Variants in RSPH6A observed in about 807,000 individuals in gnomAD.
RSPH6A encodes the protein radial spoke head 6 homolog A.
RSPH6A carries 49 observed loss-of-function variants against 66.1 expected under a neutral mutation model. The ratio of observed to expected loss-of-function variants is 0.74; its 90% CI spans 0.59 to 0.94. The LOEUF (loss-of-function observed/expected upper bound fraction) is 0.94. Among genes scored for constraint, RSPH6A ranks in the 40% least tolerant of loss-of-function variants. RSPH6A has a pLI of 0.00. For missense variants in RSPH6A, 977 were observed against 948.3 expected (o/e 1.03, Z -0.40); for synonymous variants, 419 against 402.4 (o/e 1.04, Z -0.49).
chr19:45,812,369 G>A (rs1342213934), intron 1 of RSPH6A, among the ~76,000 whole-genome samples: 5 of 152,086 alleles, frequency 3.3e-5, no homozygotes, highest in Non-Finnish European at 5.9e-5. Flanking sequence ...GATTACAGGC[G>A]TGAGCCACCA....
At chr19:45,801,909 T>G (rs1372441808) in intron 4 of RSPH6A, among the ~76,000 whole-genome samples, 1 of 152,104 alleles carries the variant, frequency 6.6e-6, no homozygotes, top group Non-Finnish European at 1.5e-5. Flanking sequence ...AAAGGCCATA[T>G]CCTAAGGTTT....
At chr19:45,800,944 T>C (rs1970466666) in intron 4 of RSPH6A, among the ~76,000 whole-genome samples, 1 of 151,900 alleles carries the variant, frequency 6.6e-6, no homozygotes, top group African/African-American at 2.4e-5. Context: ...ATTACAGGCA[T>C]GCACCACCAC....
Position 45,795,907 on chromosome 19 carries a change from C to T in RSPH6A, c.2116G>A (p.Gly706Ser), listed in dbSNP as rs62639328. Residue 706 changes from glycine (G) to serine (S), a missense_variant, in exon 6 of 6, where the codon GGC becomes AGC. Coordinates refer to ENST00000221538, the MANE Select transcript of RSPH6A (RefSeq NM_030785.4). Reference sequence around the variant, plus strand: ...TCCTCGCCCTCCTCCTCCTCCTCGCCCTCCTCCTCCTCCTCTGTGGCTCCC... The same window carrying T: ...TCCTCGCCCTCCTCCTCCTCCTCGCTCTCCTCCTCCTCCTCTGTGGCTCCC... ...ALGATEEEEE[G>S]EEEEEGEETD... is the part of the protein sequence containing the mutation. 206 of 1,474,754 alleles carry T rather than the reference C, an allele frequency of 1.4e-4. 3 individuals carry two copies. In the African/African-American group the frequency reaches 2.6e-3, roughly 18 times the overall value. 91.4% of individuals were successfully genotyped at this position (1,474,754 alleles called of 1,614,324 possible).
Position 45,804,439 on chromosome 19 carries a change from G to A in RSPH6A, c.1466C>T (p.Ser489Leu), listed in dbSNP as rs1250032237. 1.7e-5 allele frequency: 27 copies of A among 1,613,894 alleles called. No individual in the cohort carries two copies. The highest frequency in any genetic ancestry group is 2.2e-5 in the East Asian group (1 of 44,858). Reference protein sequence around the residue: ...NYLRAQIARISAATQVSPLGF... With the variant: ...NYLRAQIARILAATQVSPLGF... ...CAGCGGGCTGACCTGCGTGGCGGCCGAGATGCGGGCTATCTGGGCCCGCAG... is the reference window on the plus strand; with the variant it reads ...CAGCGGGCTGACCTGCGTGGCGGCCAAGATGCGGGCTATCTGGGCCCGCAG... The change falls in exon 3 of 6, where the codon TCG becomes TTG. Residue 489 changes from serine to leucine, a missense_variant. Transcript: ENST00000221538. This position sits in a 1 kb window ranked among gnomAD's most constrained non-coding sequence, Gnocchi z 5.8.
intron 1 of RSPH6A, among the ~76,000 whole-genome samples, chr19:45,812,960 T>C (rs1488157153): frequency 6.6e-6 from 1 of 152,002 alleles, no homozygotes; most frequent in Non-Finnish European, 1.5e-5. Flanking sequence ...CCTCCCAAAG[T>C]GCTGGGATCA....
rs1227780154 is a variant in RSPH6A, at chr19:45,814,875, T to G, written c.302A>C (p.Gln101Pro). 6.2e-7 allele frequency: 1 copy of G among 1,614,000 alleles called. No homozygotes were observed. Among genetic ancestry groups the G allele is most frequent in the Admixed American group, 1.7e-5 (1 of 60,006 alleles). Reference protein sequence around the residue: ...NTGFPSEFQPQPYSDESRMQV... With the variant: ...NTGFPSEFQPPPYSDESRMQV... The stretch of plus-strand genomic sequence containing the variant: ...CATCCTGCTTTCATCAGAGTAAGGC[T>G]GAGGCTGGAACTCTGAGGGAAAGCC... The change falls in exon 1 of 6, where the codon CAG (glutamine) becomes CCG (proline). Residue 101 changes from glutamine (Q) to proline (P), a missense_variant. Physicochemically the swap from Gln to Pro is moderately conservative, Grantham distance 76. Coordinates refer to ENST00000221538, the MANE Select transcript of RSPH6A (RefSeq NM_030785.4).
intron 3 of RSPH6A, 104 bp from the exon 4 acceptor site, chr19:45,802,368 AC>A: frequency 9.2e-7 from 1 of 1,081,890 alleles, no homozygotes; most frequent in Non-Finnish European, 1.2e-6. Flanking sequence ...GTCCTCAGAG[AC>A]CCAGGCACAG....
intron 1 of RSPH6A, among the ~76,000 whole-genome samples, chr19:45,813,104 G>A (rs1970649841): frequency 6.6e-6 from 1 of 152,012 alleles, no homozygotes; most frequent in Non-Finnish European, 1.5e-5. Flanking sequence ...CCAGCTTTGT[G>A]CTTTAATAAG....
chr19:45,815,273 G>A lies in RSPH6A; in HGVS notation c.-97C>T, dbSNP rs1214833566. 4 of 1,338,164 alleles carry A rather than the reference G, an allele frequency of 3.0e-6. No individual in the cohort carries two copies. Among genetic ancestry groups the A allele is most frequent in the Non-Finnish European group, 4.0e-6 (4 of 1,006,518 alleles). The allele number at this position is 1,338,164 out of a possible 1,614,324, so 82.9% of individuals were successfully genotyped here. ...GACACCGCCGGTTTCTGAGCACCGA[G>A]AGAGGGGGCCGTTACCCGTGGAGGG... On this transcript the variant is annotated 5_prime_UTR_variant, in exon 1 of 6. Coordinates refer to ENST00000221538, the MANE Select transcript of RSPH6A (RefSeq NM_030785.4).
intron 1 of RSPH6A, among the ~76,000 whole-genome samples, chr19:45,812,081 AAC>A (rs1446338236): frequency 1.5e-5 from 2 of 132,980 alleles, no homozygotes; most frequent in Admixed American, 1.4e-4. Context: ...GTGCCTGGCC[AAC>A]ATTTGTATTT....
At chr19:45,801,957 C>A (rs138166895) in intron 4 of RSPH6A, among the ~76,000 whole-genome samples, 163 bp downstream of exon 4, 19 of 152,316 alleles carry the variant, frequency 1.2e-4, no homozygotes, top group African/African-American at 4.3e-4. Flanking sequence ...GTTCCCAGAA[C>A]CTCCTGATGG....
At chr19:45,797,201 C>A (rs184655951) in intron 5 of RSPH6A, among the ~76,000 whole-genome samples, 308 of 151,634 alleles carry the variant, frequency 2.0e-3, no homozygotes, top group African/African-American at 6.8e-3. Context: ...ACGGTGAAAC[C>A]CCGTCTCTAC....
chr19:45,807,109 G>A (rs1057495632), intron 2 of RSPH6A, among the ~76,000 whole-genome samples: 1 of 151,930 alleles, frequency 6.6e-6, no homozygotes, highest in Admixed American at 6.6e-5. Context: ...GGCCAGGCTG[G>A]TCTCGAACTC....
At position 45,814,630 on chromosome 19, in the gene RSPH6A, G is replaced by C. The variant is rs77094717; in HGVS notation, c.547C>G (p.Pro183Ala). ...LQFLPSELGF[P>A]HYSAQVPEPE... ...TCAGGCACCTGGGCACTGTAGTGTGGGAAGCCCAGCTCAGAGGGCAAGAAC... is the reference window on the plus strand; with the variant it reads ...TCAGGCACCTGGGCACTGTAGTGTGCGAAGCCCAGCTCAGAGGGCAAGAAC... Residue 183 changes from proline (P) to alanine (A), a missense_variant, in exon 1 of 6, where the codon CCA becomes GCA. Coordinates refer to ENST00000221538, the MANE Select transcript of RSPH6A (RefSeq NM_030785.4). 3 of 1,603,360 alleles carry C rather than the reference G, an allele frequency of 1.9e-6. No homozygotes were observed. The highest frequency in any genetic ancestry group is 2.6e-6 in the Non-Finnish European group (3 of 1,174,616).
chr19:45,799,483 C>T (rs1442872853), intron 5 of RSPH6A, among the ~76,000 whole-genome samples: 7 of 152,036 alleles, frequency 4.6e-5, no homozygotes, highest in Non-Finnish European at 1.0e-4. Context: ...TGCCTCAGCC[C>T]CCTAAGTAGC....
chr19:45,813,351 T>G (rs115691550), intron 1 of RSPH6A, among the ~76,000 whole-genome samples: 4,263 of 152,074 alleles, frequency 0.028, 211 homozygotes, highest in African/African-American at 0.096. Flanking sequence ...ACCCACACAA[T>G]TTATTTTTTT....
chr19:45,814,383 G>A, intron 1 of RSPH6A, 144 bp downstream of exon 1: 2 of 639,466 alleles, frequency 3.1e-6, no homozygotes, highest in Non-Finnish European at 4.8e-6. Context: ...AGCTGTTGTT[G>A]GCATTGATTC....
intron 5 of RSPH6A, among the ~76,000 whole-genome samples, chr19:45,798,487 C>A (rs768115508): frequency 6.1e-4 from 91 of 149,182 alleles, no homozygotes; most frequent in South Asian, 1.3e-3. Flanking sequence ...CTGCAGTGAA[C>A]CGTGATCACG....
intron 5 of RSPH6A, 53 bp from the exon 6 acceptor site, chr19:45,796,159 A>AATTT: frequency 8.6e-7 from 1 of 1,168,902 alleles, no homozygotes; most frequent in Non-Finnish European, 1.1e-6. Context: ...CCCAGACTTG[A>AATTT]CTTTTTTTTT....
Sources: allele counts gnomAD v4.1 joint callset (sites outside exome capture counted in the v4.1 genomes callset), GRCh38; gene constraint gnomAD v4.1.1; non-coding constraint Gnocchi (gnomAD v3.1); transcripts MANE v1.5; gene names NCBI Gene and HGNC (gene_info 2026-07-23, HGNC 2026-07-21).